OSBPL10: variants seen among roughly 807,000 people sequenced by gnomAD.
OSBPL10 encodes the protein oxysterol binding protein like 10.
Under a neutral mutation model 81.7 loss-of-function variants are expected in OSBPL10, and 49 were observed. The ratio of observed to expected loss-of-function variants is 0.60; its 90% CI spans 0.48 to 0.76. The LOEUF (loss-of-function observed/expected upper bound fraction) is 0.76, where lower values mean the gene tolerates loss of function less well. Ranked by LOEUF, OSBPL10 falls within the 30% of genes least tolerant of loss-of-function variation. The pLI is 0.00. For synonymous variants in OSBPL10, 419 were observed against 383.6 expected (o/e 1.09, Z -1.08); for missense variants, 923 against 987.8 (o/e 0.93, Z 0.88).
At chr3:31,944,087 C>T (rs1697622135) in intron 1 of OSBPL10, among the ~76,000 whole-genome samples, 1 of 150,000 alleles carries the variant, frequency 6.7e-6, no homozygotes, top group Admixed American at 6.7e-5. Context: ...TAGGCTGTTG[C>T]ATATTTTCTG....
chr3:31,839,450 G>A (rs372704029), intron 3 of OSBPL10, among the ~76,000 whole-genome samples: 1 of 152,096 alleles, frequency 6.6e-6, no homozygotes. Flanking sequence ...GTGAGAGAAA[G>A]AGTTCCTCCC....
chr3:31,706,051 G>A (rs1326379793), intron 6 of OSBPL10, among the ~76,000 whole-genome samples: 2 of 152,114 alleles, frequency 1.3e-5, no homozygotes, highest in Non-Finnish European at 2.9e-5. Flanking sequence ...GAAAAATGAG[G>A]ATTTTAATAA....
In OSBPL10 at chr3:31,869,334, G is replaced by T. The variant is rs142681574; in HGVS notation, c.537+7099C>A. On this transcript the variant is annotated intron_variant, in intron 3 of 11. Coordinates refer to ENST00000396556, the MANE Select transcript of OSBPL10 (RefSeq NM_017784.5). Reference sequence around the variant, plus strand: ...TATCATTTCTAAACCAGAATGTCATGAATTGAAAGATGGATATATCCAATT... The same window carrying T: ...TATCATTTCTAAACCAGAATGTCATTAATTGAAAGATGGATATATCCAATT... Among the ~76,000 whole-genome samples the T allele has an allele frequency of 4.1e-3, 630 of 152,284 alleles. 10 individuals carry two copies. The highest frequency in any genetic ancestry group is 0.025 in the East Asian group (128 of 5,188).
intron 4 of OSBPL10, among the ~76,000 whole-genome samples, chr3:31,784,358 G>GAAAGGA (rs569884773): frequency 1.3e-5 from 2 of 150,898 alleles, no homozygotes; most frequent in African/African-American, 2.4e-5. Flanking sequence ...GATGGGAAAG[G>GAAAGGA]AAAGGAAAAG....
At chr3:32,050,456 T>G (rs1699661062) in intron 1 of OSBPL10, among the ~76,000 whole-genome samples, 1 of 152,232 alleles carries the variant, frequency 6.6e-6, no homozygotes, top group African/African-American at 2.4e-5. Flanking sequence ...TGAATCTTCC[T>G]TTCTCTGAGC....
chr3:31,730,436 G>T (rs1575505728), intron 6 of OSBPL10, among the ~76,000 whole-genome samples: 3 of 151,876 alleles, frequency 2.0e-5, no homozygotes, highest in African/African-American at 7.3e-5. Context: ...CTAAAGTAAG[G>T]CATACATGAT....
At chr3:31,686,206 TTG>T (rs1700789503) in intron 7 of OSBPL10, among the ~76,000 whole-genome samples, 1 of 152,122 alleles carries the variant, frequency 6.6e-6, no homozygotes, top group African/African-American at 2.4e-5. Context: ...GCCTGCAGAA[TTG>T]TGAGCTAAAT....
chr3:31,795,459 G>A (rs140340188), intron 4 of OSBPL10: 64 of 171,138 alleles, frequency 3.7e-4, no homozygotes, highest in African/African-American at 1.4e-3. Context: ...AAAACCTTTC[G>A]GCACTACTCA....
intron 1 of OSBPL10, among the ~76,000 whole-genome samples, chr3:31,915,123 G>A (rs763996879): frequency 4.0e-5 from 6 of 151,680 alleles, no homozygotes; most frequent in African/African-American, 9.7e-5. Flanking sequence ...GTCTTCTATC[G>A]TATCCTCATC....
intron 1 of OSBPL10, among the ~76,000 whole-genome samples, chr3:31,891,197 G>A (rs1336402623): frequency 1.3e-5 from 2 of 152,204 alleles, no homozygotes; most frequent in Non-Finnish European, 2.9e-5. Context: ...GGCAGTCAGA[G>A]ACCTAATTAT....
intron 4 of OSBPL10, among the ~76,000 whole-genome samples, chr3:31,762,085 G>A (rs1698062907): frequency 1.3e-5 from 2 of 152,206 alleles, no homozygotes; most frequent in East Asian, 3.9e-4. Context: ...CATAGTGCCA[G>A]AGAAAACAGG....
intron 2 of OSBPL10, among the ~76,000 whole-genome samples, chr3:31,994,492 G>GGATGGATT (rs1441719777): frequency 5.2e-5 from 3 of 57,602 alleles, no homozygotes; most frequent in Non-Finnish European, 9.4e-5. Flanking sequence ...GGGAAAAAAA[G>GGATGGATT]GATGGATGGA....
chr3:31,675,863 G>A (rs531547730), intron 8 of OSBPL10, among the ~76,000 whole-genome samples: 16 of 150,564 alleles, frequency 1.1e-4, no homozygotes, highest in African/African-American at 2.0e-4. Context: ...GGAGAATGGC[G>A]TGAACCTGGG....
chr3:31,869,563 A>T (rs1337339656), intron 3 of OSBPL10, among the ~76,000 whole-genome samples: 1 of 152,198 alleles, frequency 6.6e-6, no homozygotes, highest in Non-Finnish European at 1.5e-5. Context: ...GATTGCAGAC[A>T]TCCTATTCCA....
chr3:31,830,326 C>T (rs1700210034), intron 3 of OSBPL10, 95 bp from the exon 4 acceptor site: 1 of 1,281,280 alleles, frequency 7.8e-7, no homozygotes, highest in Admixed American at 2.5e-5. Context: ...TCATCTTTCC[C>T]CTTCCTCTCT....
At chr3:32,065,985 AAGAAAGAAAGAAAGAAAGAAAG>A (rs1699774837) in intron 1 of OSBPL10, among the ~76,000 whole-genome samples, 1 of 65,734 alleles carries the variant, frequency 1.5e-5, no homozygotes, top group Admixed American at 2.1e-4. Context: ...GAAAGAAAGA[AAGAAAGAAAGAAAGAAAGAAAG>A]AGAAAGAAAG....
intron 4 of OSBPL10, among the ~76,000 whole-genome samples, chr3:31,786,550 G>C (rs1575543772): frequency 6.6e-6 from 1 of 152,100 alleles, no homozygotes; most frequent in African/African-American, 2.4e-5. Flanking sequence ...TCACATGACA[G>C]ACAGAAGGGG....
intron 7 of OSBPL10, among the ~76,000 whole-genome samples, chr3:31,702,106 C>T (rs1559423374): frequency 2.6e-5 from 4 of 152,172 alleles, no homozygotes; most frequent in Non-Finnish European, 5.9e-5. Flanking sequence ...GATGTTCTCC[C>T]TGCCCTTGTA....
At chr3:31,815,480 G>T (rs993726116) in intron 4 of OSBPL10, among the ~76,000 whole-genome samples, 1 of 152,168 alleles carries the variant, frequency 6.6e-6, no homozygotes, top group African/African-American at 2.4e-5. Flanking sequence ...AGAAAATTCA[G>T]ATCAAAGCAA....
Sources: allele counts gnomAD v4.1 joint callset (sites outside exome capture counted in the v4.1 genomes callset), GRCh38; gene constraint gnomAD v4.1.1; transcripts MANE v1.5; gene names NCBI Gene and HGNC (gene_info 2026-07-23, HGNC 2026-07-21).